The following KLHL5 variants were observed in gnomAD, a reference collection of about 807,000 sequenced individuals.
KLHL5 encodes kelch-like protein 5.
In KLHL5, 48 loss-of-function variants were observed where a neutral mutation model predicts 77.7. The ratio of observed to expected loss-of-function variants is 0.62; its 90% CI spans 0.49 to 0.79. The LOEUF (loss-of-function observed/expected upper bound fraction) is 0.79. KLHL5 is among the 30% of genes least tolerant of loss of function. The pLI is 0.00. For missense variants in KLHL5, 723 were observed against 859.7 expected (o/e 0.84, Z 1.99); for synonymous variants, 260 against 297.0 (o/e 0.88, Z 1.28).
intron 8 of KLHL5, among the ~76,000 whole-genome samples, chr4:39,110,801 G>A (rs1404591929): frequency 6.6e-6 from 1 of 151,954 alleles, no homozygotes; most frequent in Non-Finnish European, 1.5e-5. Context: ...TTAAAAGTCA[G>A]GCAAGACCTA....
intron 7 of KLHL5, among the ~76,000 whole-genome samples, chr4:39,107,301 G>A (rs1272349874): frequency 6.6e-6 from 1 of 152,004 alleles, no homozygotes; most frequent in East Asian, 1.9e-4. Flanking sequence ...TCCCACCTGG[G>A]ACTCCCAAAC....
Position 39,086,706 on chromosome 4 carries a change from G to A in KLHL5, c.1092G>A (p.Arg364=). ...TAAGTAAACTTTTGGCTTATATTAGGCTACCTCTTCTTGCACCACAGGTAA... is the reference window on the plus strand; with the variant it reads ...TAAGTAAACTTTTGGCTTATATTAGACTACCTCTTCTTGCACCACAGGTAA... ...KDLSKLLAYI[R]LPLLAPQFLA... is the part of the protein sequence containing the mutation. The change falls in exon 5 of 11, where the codon AGG becomes AGA. Residue 364 remains arginine (R), a synonymous_variant. Coordinates refer to ENST00000504108, the MANE Select transcript of KLHL5 (RefSeq NM_015990.5). The A allele has an allele frequency of 6.2e-7, 1 of 1,613,522 alleles. No individual in the cohort carries two copies. Among genetic ancestry groups the A allele is most frequent in the Non-Finnish European group, 8.5e-7 (1 of 1,179,620 alleles).
At chr4:39,064,031 CT>C (rs1217980175) in intron 1 of KLHL5, among the ~76,000 whole-genome samples, 1 of 152,054 alleles carries the variant, frequency 6.6e-6, no homozygotes, top group Non-Finnish European at 1.5e-5. Flanking sequence ...TTCTGTGCAG[CT>C]TTTGATAACA....
At chr4:39,073,856 C>T (rs189558720) in intron 1 of KLHL5, among the ~76,000 whole-genome samples, 73 of 149,540 alleles carry the variant, frequency 4.9e-4, no homozygotes, top group Non-Finnish European at 8.0e-4. Context: ...TTAGTAGAGA[C>T]GGGGTTTCAC....
At chr4:39,109,637 CT>C (rs60921018) in intron 8 of KLHL5, among the ~76,000 whole-genome samples, 63,564 of 128,322 alleles carry the variant, frequency 0.5, 15,440 homozygotes, top group Non-Finnish European at 0.57. Context: ...CTTTTTTTTT[CT>C]TTTTTTTTTT....
At chr4:39,142,908 G>A in the KLHL5 span, among the ~76,000 whole-genome samples, 1 of 152,208 alleles carries the variant, frequency 6.6e-6, no homozygotes, top group East Asian at 1.9e-4. Context: ...AGAGGTTAGA[G>A]ATATGGAGAG....
chr4:39,136,295 G>A, the KLHL5 span, among the ~76,000 whole-genome samples: 1,799 of 152,086 alleles, frequency 0.012, 16 homozygotes, highest in Non-Finnish European at 0.019. Context: ...GAGTAGCTGG[G>A]ATTACAGGTG....
chr4:39,063,618 G>A, intron 1 of KLHL5: 1 of 439,304 alleles, frequency 2.3e-6, no homozygotes, highest in South Asian at 1.6e-5. Context: ...TCTCTAAGAT[G>A]ACAGCTACTA....
chr4:39,103,821 A>T (rs998527681), intron 7 of KLHL5, among the ~76,000 whole-genome samples: 12 of 121,972 alleles, frequency 9.8e-5, no homozygotes, highest in African/African-American at 1.9e-4. Context: ...TAGCTGGGAA[A>T]TTTTTTTTTT....
In KLHL5 at chr4:39,107,491, A is replaced by G; in HGVS notation, c.1526-78A>G. The G allele has an allele frequency of 1.8e-5, 18 of 983,484 alleles. 2 individuals are homozygous for G. In the South Asian group the frequency reaches 2.9e-4, roughly 16 times the overall value. 60.9% of individuals were successfully genotyped at this position (983,484 alleles called of 1,614,324 possible). A position where few individuals can be genotyped will look rare whatever the true frequency, so the allele number is the denominator to read the frequency against. On this transcript the variant is annotated intron_variant, in intron 7 of 10. Coordinates refer to ENST00000504108, the MANE Select transcript of KLHL5 (RefSeq NM_015990.5). ...TATTTGTATGTTTAAGGCTTATTGT[A>G]CTTATACTTCAATTAAAATGTGATT...
intron 1 of KLHL5, among the ~76,000 whole-genome samples, chr4:39,053,604 A>G (rs534054597): frequency 1.4e-3 from 217 of 152,274 alleles, no homozygotes; most frequent in Non-Finnish European, 2.3e-3. Flanking sequence ...TGTGCACAGC[A>G]AATATGTGCT....
chr4:39,088,517 C>T (rs1720245781), intron 5 of KLHL5, among the ~76,000 whole-genome samples: 1 of 152,092 alleles, frequency 6.6e-6, no homozygotes, highest in East Asian at 1.9e-4. Context: ...CAGTTCTGTG[C>T]CTTGTCCACT....
At chr4:39,064,611 A>G (rs1460980992) in intron 1 of KLHL5, among the ~76,000 whole-genome samples, 2 of 152,150 alleles carry the variant, frequency 1.3e-5, no homozygotes, top group Non-Finnish European at 2.9e-5. Flanking sequence ...ATTTTTATAC[A>G]TGTGTAATCT....
intron 9 of KLHL5, among the ~76,000 whole-genome samples, chr4:39,114,793 CCT>C (rs1722718187): frequency 6.6e-6 from 1 of 152,114 alleles, no homozygotes; most frequent in Admixed American, 6.5e-5. Flanking sequence ...AGTTAAGACA[CCT>C]CATGAAAAGA....
chr4:39,080,581 C>T (rs1236313291), intron 2 of KLHL5, among the ~76,000 whole-genome samples: 1 of 150,778 alleles, frequency 6.6e-6, no homozygotes, highest in South Asian at 2.1e-4. Context: ...AACTTAGAGA[C>T]ATAGCTAATA....
At chr4:39,117,788 G>A (rs1460597227) in intron 10 of KLHL5, among the ~76,000 whole-genome samples, 1 of 152,152 alleles carries the variant, frequency 6.6e-6, no homozygotes, top group African/African-American at 2.4e-5. Flanking sequence ...AAAGTAAACA[G>A]AAGAGGCCAG....
intron 5 of KLHL5, among the ~76,000 whole-genome samples, chr4:39,090,513 A>G (rs940524422): frequency 3.3e-5 from 5 of 151,096 alleles, no homozygotes; most frequent in Admixed American, 2.6e-4. Context: ...CGGTGGCACA[A>G]TCTCATCTCA....
In KLHL5 at chr4:39,049,582, G is replaced by A. The variant is rs191477621; in HGVS notation, c.-95+4486G>A. ...TGTGTCTCCAGTCCGAGCTTCCTTGGGGGCGGGGGTAGGGAGGTGAGATGA... is the reference window on the plus strand; with the variant it reads ...TGTGTCTCCAGTCCGAGCTTCCTTGAGGGCGGGGGTAGGGAGGTGAGATGA... On this transcript the variant is annotated intron_variant, in intron 1 of 11. Coordinates refer to the KLHL5 transcript ENST00000261425. Among the ~76,000 whole-genome samples the A allele has an allele frequency of 7.8e-3, 1,187 of 152,138 alleles. 12 individuals are homozygous for A. The highest frequency in any genetic ancestry group is 0.013 in the Non-Finnish European group (881 of 67,998).
At chr4:39,046,584 A>C (rs957271801) in intron 1 of KLHL5, among the ~76,000 whole-genome samples, 3 of 152,162 alleles carry the variant, frequency 2.0e-5, no homozygotes, top group African/African-American at 7.2e-5. Flanking sequence ...CCCCTGCTTG[A>C]AAAGATAAAA....
Sources: allele counts gnomAD v4.1 joint callset (sites outside exome capture counted in the v4.1 genomes callset), GRCh38; gene constraint gnomAD v4.1.1; transcripts MANE v1.5; gene names NCBI Gene and HGNC (gene_info 2026-07-23, HGNC 2026-07-21).